Variants in LINGO1 observed in about 807,000 individuals in gnomAD.
LINGO1 encodes the protein leucine-rich repeat and immunoglobulin-like domain-containing nogo receptor-interacting protein 1.
Under a neutral mutation model 37.3 loss-of-function variants are expected in LINGO1, and 11 were observed. The ratio of observed to expected loss-of-function variants is 0.29; its 90% confidence interval spans 0.19 to 0.49. The LOEUF is 0.49. Among genes scored for constraint, LINGO1 ranks in the 20% least tolerant of loss-of-function variants. The pLI is 0.99. For missense variants in LINGO1, 585 were observed against 878.2 expected, an observed-to-expected ratio of 0.67 and a Z score of 4.22; for synonymous variants, 387 against 403.0, an observed-to-expected ratio of 0.96 and a Z score of 0.48.
At chr15:77,703,832 T>C (rs745892227) in intron 2 of LINGO1, among the ~76,000 whole-genome samples, 1 of 152,010 alleles carries the variant, frequency 6.6e-6, no homozygotes, top group Non-Finnish European at 1.5e-5. Context: ...TCAGGCCTAG[T>C]TGGCCTTCCT....
At chr15:77,650,467 C>A (rs1016474815) in intron 3 of LINGO1, among the ~76,000 whole-genome samples, 2 of 152,218 alleles carry the variant, frequency 1.3e-5, no homozygotes, top group African/African-American at 4.8e-5. Context: ...CAACCCTGGG[C>A]ATCCAGCAGG....
chr15:77,785,665 C>A (rs935743747), intron 1 of LINGO1, among the ~76,000 whole-genome samples: 5 of 152,096 alleles, frequency 3.3e-5, no homozygotes, highest in Non-Finnish European at 7.4e-5. Context: ...CCTGGGCTTG[C>A]TCCTCCTGCC....
chr15:77,613,723 G>T lies in LINGO1; in HGVS notation c.*321C>A. Reference sequence around the variant, plus strand: ...GTTTTCATAAAAATCCATAATTATTGAAACCCAAGTTACAGAGAAAGTTCG... The same window carrying T: ...GTTTTCATAAAAATCCATAATTATTTAAACCCAAGTTACAGAGAAAGTTCG... On this transcript the variant is annotated 3_prime_UTR_variant, in exon 2 of 2. Transcript: ENST00000355300. The T allele has an allele frequency of 3.0e-6, 1 of 330,250 alleles. No homozygotes were observed. The highest frequency in any genetic ancestry group is 5.6e-6 in the Non-Finnish European group (1 of 180,062). The allele number at this position is 330,250 out of a possible 1,614,324, so 20.5% of individuals were successfully genotyped here.
At chr15:77,644,025 C>T (rs147379694) in intron 3 of LINGO1, among the ~76,000 whole-genome samples, 4 of 152,238 alleles carry the variant, frequency 2.6e-5, no homozygotes, top group Admixed American at 2.6e-4. Flanking sequence ...ATCAGAGCCA[C>T]GGGGCAGGGC....
intron 3 of LINGO1, among the ~76,000 whole-genome samples, chr15:77,658,547 A>G (rs979919866): frequency 6.6e-6 from 1 of 152,250 alleles, no homozygotes; most frequent in Non-Finnish European, 1.5e-5. Flanking sequence ...TCCGCAAGTA[A>G]TAACAGACTG....
intron 3 of LINGO1, among the ~76,000 whole-genome samples, chr15:77,665,634 C>T (rs1172618843): frequency 6.6e-6 from 1 of 152,254 alleles, no homozygotes; most frequent in East Asian, 1.9e-4. Flanking sequence ...ATCCCCTCCA[C>T]AGCTAGCTGG....
chr15:77,770,124 G>A (rs1274932663), intron 1 of LINGO1, among the ~76,000 whole-genome samples: 3 of 152,094 alleles, frequency 2.0e-5, no homozygotes, highest in Non-Finnish European at 4.4e-5. Flanking sequence ...CTGGAGAGGG[G>A]GACCCTGTGG....
intron 2 of LINGO1, among the ~76,000 whole-genome samples, chr15:77,727,890 C>T (rs12913905): frequency 0.11 from 17,029 of 152,132 alleles, 1,139 homozygotes; most frequent in African/African-American, 0.18. Flanking sequence ...GCCTGGCTCC[C>T]GGGGACACTG....
chr15:77,746,620 G>T (rs1313190032), intron 1 of LINGO1, among the ~76,000 whole-genome samples: 1 of 152,060 alleles, frequency 6.6e-6, no homozygotes, highest in African/African-American at 2.4e-5. Context: ...GGGGCTGGGG[G>T]CGAGGAGCCC....
intron 1 of LINGO1, among the ~76,000 whole-genome samples, chr15:77,810,756 C>T (rs2076999068): frequency 6.6e-6 from 1 of 152,220 alleles, no homozygotes; most frequent in African/African-American, 2.4e-5. Context: ...GGAGTCCAAG[C>T]ATCGGAGAGT....
chr15:77,782,833 A>G (rs2076733684), intron 1 of LINGO1, among the ~76,000 whole-genome samples: 1 of 151,418 alleles, frequency 6.6e-6, no homozygotes, highest in East Asian at 1.9e-4. Flanking sequence ...CATTCTCTCC[A>G]CCCAGAGGCC....
chr15:77,759,262 T>G (rs1350918502), intron 1 of LINGO1, among the ~76,000 whole-genome samples: 3 of 152,194 alleles, frequency 2.0e-5, no homozygotes, highest in African/African-American at 7.2e-5. Context: ...ACAAGCCCCC[T>G]GTGGCCCCTC....
chr15:77,626,788 G>A (rs954695099), intron 1 of LINGO1, among the ~76,000 whole-genome samples: 20 of 152,144 alleles, frequency 1.3e-4, no homozygotes, highest in African/African-American at 3.9e-4. Context: ...GGTCTGCCTC[G>A]GTAGTAAGTA....
intron 1 of LINGO1, among the ~76,000 whole-genome samples, chr15:77,749,755 G>A (rs979384205): frequency 3.3e-5 from 5 of 152,220 alleles, no homozygotes; most frequent in African/African-American, 1.2e-4. Flanking sequence ...AGGGGAAGAA[G>A]TCAGTTATTG....
chr15:77,620,703 A>T (rs888957370), intron 1 of LINGO1, among the ~76,000 whole-genome samples: 6 of 152,378 alleles, frequency 3.9e-5, no homozygotes, highest in Admixed American at 3.9e-4. Flanking sequence ...TGGGAGGCTC[A>T]GACCCAAAAC....
chr15:77,685,678 T>G (rs1414328355), intron 2 of LINGO1, among the ~76,000 whole-genome samples: 4 of 139,726 alleles, frequency 2.9e-5, no homozygotes, highest in African/African-American at 5.6e-5. Flanking sequence ...GGCAACATAG[T>G]GAGACCCCGT....
At chr15:77,718,274 C>T (rs533313654) in intron 2 of LINGO1, among the ~76,000 whole-genome samples, 148 of 151,030 alleles carry the variant, frequency 9.8e-4, no homozygotes, top group African/African-American at 3.4e-3. Flanking sequence ...AAGTGCAGCA[C>T]CCCAGACACG....
intron 1 of LINGO1, among the ~76,000 whole-genome samples, chr15:77,761,897 A>G (rs1189419987): frequency 6.6e-6 from 1 of 152,210 alleles, no homozygotes. Context: ...TTTGAGCCTC[A>G]GTATTCCCAT....
intron 3 of LINGO1, among the ~76,000 whole-genome samples, chr15:77,669,636 G>A (rs1596081499): frequency 6.6e-6 from 1 of 152,194 alleles, no homozygotes; most frequent in Admixed American, 6.5e-5. Flanking sequence ...CCAGGGTCAG[G>A]AGCCTTCTCT....
Sources: allele counts gnomAD v4.1 joint callset (sites outside exome capture counted in the v4.1 genomes callset), GRCh38; gene constraint gnomAD v4.1.1; transcripts MANE v1.5; gene names NCBI Gene and HGNC (gene_info 2026-07-23, HGNC 2026-07-21).